ANKH: variants seen among roughly 807,000 people sequenced by gnomAD.
ANKH encodes ANKH inorganic pyrophosphate transport regulator, also known as mineralization regulator ANKH.
In ANKH, 15 loss-of-function variants were observed where a neutral mutation model predicts 49.0. The ratio of observed to expected loss-of-function variants is 0.31; its 90% CI spans 0.20 to 0.47. The LOEUF (loss-of-function observed/expected upper bound fraction) is 0.47. Ranked by LOEUF, ANKH falls within the 20% of genes least tolerant of loss-of-function variation. ANKH has a pLI of 1.00. For missense variants in ANKH, 429 were observed against 652.0 expected (o/e 0.66, Z 3.72); for synonymous variants, 273 against 260.0 (o/e 1.05, Z -0.48).
intron 1 of ANKH, among the ~76,000 whole-genome samples, chr5:14,804,628 G>A (rs1435609936): frequency 1.3e-5 from 2 of 152,202 alleles, no homozygotes; most frequent in Non-Finnish European, 2.9e-5. Flanking sequence ...CACAGGGGCT[G>A]AAAATAGAAT....
chr5:14,868,879 G>A (rs528805093), intron 1 of ANKH: 1 of 152,216 alleles, frequency 6.6e-6, no homozygotes, highest in East Asian at 1.9e-4. Context: ...GAGCCACCTT[G>A]CCCAGCCTAA....
intron 1 of ANKH, chr5:14,797,896 G>T: frequency 6.2e-7 from 1 of 1,611,778 alleles, no homozygotes; most frequent in Non-Finnish European, 8.5e-7. Flanking sequence ...CGCAAGTCTG[G>T]GTTGCATTCT....
At chr5:14,854,039 T>G (rs1378388744) in intron 1 of ANKH, among the ~76,000 whole-genome samples, 1 of 152,222 alleles carries the variant, frequency 6.6e-6, no homozygotes, top group African/African-American at 2.4e-5. Flanking sequence ...CCTAATGTAT[T>G]CCAGTGCCAA....
At chr5:14,863,794 C>T (rs566560348) in intron 1 of ANKH, among the ~76,000 whole-genome samples, 1 of 152,198 alleles carries the variant, frequency 6.6e-6, no homozygotes, top group Non-Finnish European at 1.5e-5. Flanking sequence ...CCTCCTCCCA[C>T]CCAACATAAC....
intron 2 of ANKH, 24 bp downstream of exon 2, chr5:14,768,951 G>C (rs534889998): frequency 1.2e-6 from 2 of 1,609,804 alleles, no homozygotes; most frequent in Admixed American, 1.7e-5. Context: ...AGCTAGATTC[G>C]TCAGTGGCGG....
In ANKH at chr5:14,725,180, C is replaced by G. The variant is rs1737786326; in HGVS notation, c.1012-8345G>C. ...CCTGACTGCCGGGCTGGCACTCCAA[C>G]CCAGCTGTGTCTCTGTCTGTTGTCT... On this transcript the variant is annotated intron_variant, in intron 8 of 11. Transcript: ENST00000284268. The surrounding 1 kb of genome is among the most constrained non-coding windows in gnomAD (Gnocchi z 4.0). 6.6e-6 allele frequency among the ~76,000 whole-genome samples: 1 copy of G among 152,208 alleles called. No homozygotes were observed. The highest frequency in any genetic ancestry group is 2.4e-5 in the African/African-American group (1 of 41,456).
intron 1 of ANKH, among the ~76,000 whole-genome samples, chr5:14,859,221 A>C (rs1346617720): frequency 6.6e-6 from 1 of 152,178 alleles, no homozygotes; most frequent in Non-Finnish European, 1.5e-5. Flanking sequence ...CTATCTCTAC[A>C]AACTTGACTG....
chr5:14,769,625 GT>G (rs2126512488), intron 1 of ANKH, among the ~76,000 whole-genome samples: 2 of 35,948 alleles, frequency 5.6e-5, no homozygotes, highest in Non-Finnish European at 1.1e-4. Flanking sequence ...AGAAGGGGTG[GT>G]GTGTGTGTGT....
chr5:14,739,852 T>C (rs1738299934), intron 8 of ANKH, among the ~76,000 whole-genome samples: 1 of 152,220 alleles, frequency 6.6e-6, no homozygotes, highest in Non-Finnish European at 1.5e-5. Flanking sequence ...AATCTCTATT[T>C]CTAGAAGGTG....
In ANKH at chr5:14,705,860, C is replaced by G. The variant is rs557160307; in HGVS notation, c.*5337G>C. 1.3e-5 allele frequency: 2 copies of G among 152,398 alleles called. No individual in the cohort carries two copies. Among genetic ancestry groups the G allele is most frequent in the African/African-American group, 4.8e-5 (2 of 41,550 alleles). 9.4% of individuals were successfully genotyped at this position (152,398 alleles called of 1,614,324 possible). On this transcript the variant is annotated 3_prime_UTR_variant, in exon 12 of 12. Transcript: ENST00000284268. The stretch of plus-strand genomic sequence containing the variant: ...TAGCTGTTTCATTCAAACCGTGGGT[C>G]CCTGCATGTTCATGGCCCCACACTT...
At chr5:14,799,946 T>C in intron 1 of ANKH, among the ~76,000 whole-genome samples, 1 of 152,096 alleles carries the variant, frequency 6.6e-6, no homozygotes, top group African/African-American at 2.4e-5. Flanking sequence ...CAAAGGATAG[T>C]GAAAACCTTC....
chr5:14,871,584 C>T lies in ANKH; in HGVS notation c.-137G>A. ...GCGGGCGGCGGGGCCTCGGGCGCGG[C>T]GGCGGCGGCTCCTCCTCGCGGCTGC... On this transcript the variant is annotated 5_prime_UTR_variant, in exon 1 of 12. Transcript: ENST00000284268. The T allele has an allele frequency of 3.4e-6, 1 of 296,346 alleles. No homozygotes were observed. The highest frequency in any genetic ancestry group is 5.2e-6 in the Non-Finnish European group (1 of 192,482). 18.4% of individuals were successfully genotyped at this position (296,346 alleles called of 1,614,324 possible). A position where few individuals can be genotyped will look rare whatever the true frequency, so the allele number is the denominator to read the frequency against.
At chr5:14,864,893 T>C (rs1033911962) in intron 1 of ANKH, among the ~76,000 whole-genome samples, 3 of 152,124 alleles carry the variant, frequency 2.0e-5, no homozygotes, top group East Asian at 1.9e-4. Context: ...GTATATATAA[T>C]GTATACACAC....
At chr5:14,798,334 T>G in intron 1 of ANKH, 5 of 1,568,566 alleles carry the variant, frequency 3.2e-6, no homozygotes, top group Non-Finnish European at 4.4e-6. Flanking sequence ...TTTTTCCATA[T>G]TTTGTATTCC....
rs1225870440 is a variant in ANKH at position 14,750,035 on chromosome 5, CT to C, written c.688-730del. The stretch of plus-strand genomic sequence containing the variant: ...CTAAATGTTAAGAGATGGATTGTTA[CT>C]GTCAAGACCAATTTGTGGTTGGCCT... On this transcript the variant is annotated intron_variant, in intron 5 of 11. Coordinates refer to ENST00000284268, the MANE Select transcript of ANKH (RefSeq NM_054027.6). Among the ~76,000 whole-genome samples the C allele has an allele frequency of 8.5e-5, 13 of 152,314 alleles. No individual in the cohort carries two copies. The South Asian group carries it at 2.7e-3, about 32-fold the overall frequency.
intron 1 of ANKH, chr5:14,797,293 G>C: frequency 6.6e-7 from 1 of 1,520,742 alleles, no homozygotes. Flanking sequence ...TGACCACCAT[G>C]AATAAACAAC....
chr5:14,836,830 A>C (rs908123097), intron 1 of ANKH, among the ~76,000 whole-genome samples: 1 of 152,222 alleles, frequency 6.6e-6, no homozygotes, highest in Non-Finnish European at 1.5e-5. Flanking sequence ...AAGCCAAAAG[A>C]ACAAAGCTGG....
At chr5:14,866,639 CA>C (rs1735654173) in intron 1 of ANKH, among the ~76,000 whole-genome samples, 2 of 152,108 alleles carry the variant, frequency 1.3e-5, no homozygotes, top group East Asian at 3.9e-4. Flanking sequence ...CTTTCCTTAG[CA>C]ATCTGTATTG....
chr5:14,732,959 T>G (rs1215416914), intron 8 of ANKH, among the ~76,000 whole-genome samples: 1 of 152,202 alleles, frequency 6.6e-6, no homozygotes, highest in Non-Finnish European at 1.5e-5. Flanking sequence ...GCCACAGGCG[T>G]GACAGACAGC....
Sources: allele counts gnomAD v4.1 joint callset (sites outside exome capture counted in the v4.1 genomes callset), GRCh38; gene constraint gnomAD v4.1.1; non-coding constraint Gnocchi (gnomAD v3.1); transcripts MANE v1.5; gene names NCBI Gene and HGNC (gene_info 2026-07-23, HGNC 2026-07-21).